The following TLR4 variants were observed in gnomAD, a reference collection of about 807,000 sequenced individuals.
TLR4 encodes the protein toll-like receptor 4.
Under a neutral mutation model 27.4 loss-of-function variants are expected in TLR4, and 17 were observed. The observed-to-expected ratio is 0.62, with a 90% confidence interval of 0.42 to 0.93. The LOEUF (loss-of-function observed/expected upper bound fraction) is 0.93. Ranked by LOEUF, TLR4 falls within the 40% of genes least tolerant of loss-of-function variation. The pLI, the probability that TLR4 is intolerant of heterozygous loss-of-function variation, is 0.00. For synonymous variants in TLR4, 363 were observed against 365.7 expected, an observed-to-expected ratio of 0.99 and a Z score of 0.08; for missense variants, 926 against 962.3, an observed-to-expected ratio of 0.96 and a Z score of 0.50.
chr9:117,714,429 C>G lies in TLR4; in HGVS notation c.2301C>G (p.Ile767Met). The G allele has an allele frequency of 6.2e-7, 1 of 1,613,864 alleles. No individual in the cohort carries two copies. The highest frequency in any genetic ancestry group is 8.5e-7 in the Non-Finnish European group (1 of 1,179,906). The change falls in exon 3 of 3, where the codon ATC (isoleucine) becomes ATG (methionine). Residue 767 changes from isoleucine to methionine, a missense_variant. Ile to Met is a conservative substitution (Grantham distance 10, BLOSUM62 1). Transcript: ENST00000355622. ...WQFLSSRAGI[I>M]FIVLQKVEKT... ...TTCTGAGCAGTCGTGCTGGTATCAT[C>G]TTCATTGTCCTGCAGAAGGTGGAGA... is the stretch of plus-strand genomic sequence containing the variant.
intron 1 of TLR4, 100 bp downstream of exon 1, chr9:117,704,665 AGT>A: frequency 4.1e-6 from 4 of 975,746 alleles, no homozygotes; most frequent in Non-Finnish European, 6.3e-6. Context: ...AAAAAAAAAG[AGT>A]TAAATTACCT....
intron 2 of TLR4, among the ~76,000 whole-genome samples, chr9:117,710,816 C>T (rs939532646): frequency 2.0e-5 from 3 of 152,004 alleles, no homozygotes; most frequent in Admixed American, 2.0e-4. Context: ...TATACATTAT[C>T]ATTGCTTGTT....
chr9:117,713,089 G>T lies in TLR4; in HGVS notation c.961G>T (p.Glu321Ter), dbSNP rs1394760921. ...ATTTTCCCTGGTGAGTGTGACTATT[G>T]AAAGGGTAAAAGACTTTTCTTATAA... ...SSFSLVSVTI[E>*]RVKDFSYNFG... Residue 321 changes from glutamate (E) to a stop codon, truncating the protein, a stop_gained, in exon 3 of 3, where the codon GAA becomes TAA. Transcript: ENST00000355622. LOFTEE classifies it low-confidence loss of function (END_TRUNC). 1 of 1,613,442 alleles carries T rather than the reference G, an allele frequency of 6.2e-7. No individual in the cohort carries two copies. Among genetic ancestry groups the T allele is most frequent in the Non-Finnish European group, 8.5e-7 (1 of 1,179,714 alleles).
In TLR4 at chr9:117,714,704, G is replaced by C. The variant is rs1399692075; in HGVS notation, c.*56G>C. 9 of 1,469,332 alleles carry C rather than the reference G, an allele frequency of 6.1e-6. No homozygotes were observed. The highest frequency in any genetic ancestry group is 8.5e-6 in the Non-Finnish European group (9 of 1,055,704). 91.0% of individuals were successfully genotyped at this position (1,469,332 alleles called of 1,614,324 possible). ...TCTTGCCCAGCTGGGTCCAACACTT[G>C]TTCAGTTAATAAGTATTAAATGCTG... On this transcript the variant is annotated 3_prime_UTR_variant, in exon 3 of 3. Coordinates refer to ENST00000355622, the MANE Select transcript of TLR4 (RefSeq NM_138554.5).
At position 117,722,291 on chromosome 9, in the gene TLR4, A is replaced by G. The variant is rs1277094275; in HGVS notation, c.*7643A>G. ...GCGAAAACTTGCTGGGCCACTGCCA[A>G]TCTTCCCAGAAACTCCTTTTTCCTT... On this transcript the variant is annotated 3_prime_UTR_variant, in exon 3 of 3. Transcript: ENST00000355622. The G allele has an allele frequency of 2.0e-5, 3 of 152,172 alleles. No homozygotes were observed. The highest frequency in any genetic ancestry group is 4.4e-5 in the Non-Finnish European group (3 of 68,026). 9.4% of individuals were successfully genotyped at this position (152,172 alleles called of 1,614,324 possible).
Position 117,704,561 on chromosome 9 carries a change from T to C in TLR4, c.89T>C (p.Val30Ala), listed in dbSNP as rs1829103734. ...AGACCAGAAAGCTGGGAGCCCTGCGTGGAGGTATGTGGCTGGAGTCAGCTC... is the reference window on the plus strand; with the variant it reads ...AGACCAGAAAGCTGGGAGCCCTGCGCGGAGGTATGTGGCTGGAGTCAGCTC... ...CVRPESWEPC[V>A]EVVPNITYQC... Residue 30 changes from valine (V) to alanine (A), a missense_variant, in exon 1 of 3, where the codon GTG (valine) becomes GCG (alanine). Transcript: ENST00000355622. 1 of 1,613,534 alleles carries C rather than the reference T, an allele frequency of 6.2e-7. No homozygotes were observed. The highest frequency in any genetic ancestry group is 8.5e-7 in the Non-Finnish European group (1 of 1,179,792).
In TLR4 at chr9:117,704,557, T is replaced by TA; in HGVS notation, c.85_86insA (p.Cys29Ter). 6.2e-7 allele frequency: 1 copy of TA among 1,613,750 alleles called. No individual in the cohort carries two copies. The highest frequency in any genetic ancestry group is 8.5e-7 in the Non-Finnish European group (1 of 1,179,830). Residue 29 changes from cysteine (C) to a stop codon, truncating the protein, a stop_gained and frameshift_variant, in exon 1 of 3, where the codon TGC becomes TAGC. Coordinates refer to ENST00000355622, the MANE Select transcript of TLR4 (RefSeq NM_138554.5). LOFTEE classifies it high-confidence loss of function. ...SCVRPESWEP[C>*]VEVVPNITYQ... ...CGTGAGACCAGAAAGCTGGGAGCCC[T>TA]GCGTGGAGGTATGTGGCTGGAGTCA...
At position 117,712,471 on chromosome 9, in the gene TLR4, C is replaced by T; in HGVS notation, c.343C>T (p.Gln115Ter). ...CTTAATATTGACAGGAAACCCCATC[C>T]AGAGTTTAGCCCTGGGAGCCTTTTC... Reference protein sequence around the residue: ...STLILTGNPIQSLALGAFSGL... With the variant: ...STLILTGNPI Residue 115 changes from glutamine to a stop codon, truncating the protein, a stop_gained, in exon 3 of 3, where the codon CAG becomes TAG. Coordinates refer to ENST00000355622, the MANE Select transcript of TLR4 (RefSeq NM_138554.5). LOFTEE classifies it low-confidence loss of function (END_TRUNC). The T allele has an allele frequency of 6.2e-7, 1 of 1,613,870 alleles. No individual in the cohort carries two copies. Among genetic ancestry groups the T allele is most frequent in the Non-Finnish European group, 8.5e-7 (1 of 1,179,914 alleles).
chr9:117,708,405 G>A, intron 1 of TLR4, 158 bp from the exon 2 acceptor site: 2 of 1,503,150 alleles, frequency 1.3e-6, no homozygotes, highest in Non-Finnish European at 1.8e-6. Context: ...TGAATGGATG[G>A]ATGGATATAT....
Position 117,708,907 on chromosome 9 carries a change from A to G in TLR4, c.260+178A>G, listed in dbSNP as rs55863104. 28 of 737,980 alleles carry G rather than the reference A, an allele frequency of 3.8e-5. No individual in the cohort carries two copies. The South Asian group carries it at 5.0e-4, about 13-fold the overall frequency. 45.7% of individuals were successfully genotyped at this position (737,980 alleles called of 1,614,324 possible). On this transcript the variant is annotated intron_variant, in intron 2 of 2. Coordinates refer to ENST00000355622, the MANE Select transcript of TLR4 (RefSeq NM_138554.5). The stretch of plus-strand genomic sequence containing the variant: ...AAGCTACCTCTATTCTCCAGGTCTC[A>G]GTTTTCTAATCTGTGAAGTAGGCAG...
At chr9:117,708,828 C>T in intron 2 of TLR4, 99 bp downstream of exon 2, 1 of 1,436,888 alleles carries the variant, frequency 7.0e-7, no homozygotes, top group Non-Finnish European at 9.7e-7. Context: ...GTCTCATCTT[C>T]ATTCACTTAT....
rs561872373 is a variant in TLR4, at chr9:117,718,796, C to T, written c.*4148C>T. The T allele has an allele frequency of 8.5e-5, 13 of 152,320 alleles. No individual in the cohort carries two copies. The highest frequency in any genetic ancestry group is 2.9e-4 in the African/African-American group (12 of 41,582). 9.4% of individuals were successfully genotyped at this position (152,320 alleles called of 1,614,324 possible). ...TTTATTAAGAGGGCACTAGGAGAAG[C>T]ACTGGGAGGTCTTCTCAGTAACAAC... On this transcript the variant is annotated 3_prime_UTR_variant, in exon 3 of 3. Coordinates refer to ENST00000355622, the MANE Select transcript of TLR4 (RefSeq NM_138554.5).
In TLR4 at chr9:117,722,002, T is replaced by C. The variant is rs1042126529; in HGVS notation, c.*7354T>C. On this transcript the variant is annotated 3_prime_UTR_variant, in exon 3 of 3. Coordinates refer to ENST00000355622, the MANE Select transcript of TLR4 (RefSeq NM_138554.5). ...TGTGTCCATGCAATCATTTTAGTTC[T>C]CCTAGTTTCTACCTATCACGTTGTC... 1 of 152,218 alleles carries C rather than the reference T, an allele frequency of 6.6e-6. No homozygotes were observed. The highest frequency in any genetic ancestry group is 2.4e-5 in the African/African-American group (1 of 41,456). The allele number at this position is 152,218 out of a possible 1,614,324, so 9.4% of individuals were successfully genotyped here. A position where few individuals can be genotyped will look rare whatever the true frequency, so the allele number is the denominator to read the frequency against.
In TLR4 at chr9:117,719,345, CCTG is replaced by C. The variant is rs1167326566; in HGVS notation, c.*4700_*4702del. ...TCATTCTGTCATGTGTCCACTGTCA[CCTG>C]CTCATTGGTGGCAGCACTGAGATTA... is the stretch of plus-strand genomic sequence containing the variant. On this transcript the variant is annotated 3_prime_UTR_variant, in exon 3 of 3. Transcript: ENST00000355622. The C allele has an allele frequency of 1.3e-5, 2 of 152,130 alleles. No homozygotes were observed. Among genetic ancestry groups the C allele is most frequent in the African/African-American group, 2.4e-5 (1 of 41,408 alleles). The allele number at this position is 152,130 out of a possible 1,614,324, so 9.4% of individuals were successfully genotyped here.
At chr9:117,707,870 A>G (rs1927910) in intron 1 of TLR4, 145,984 of 152,398 alleles carry the variant, frequency 0.96, 70,238 homozygotes, top group East Asian at 1. Flanking sequence ...GGAGTATTTA[A>G]AATGATACTG....
chr9:117,714,085 A>C lies in TLR4; in HGVS notation c.1957A>C (p.Lys653Gln). ...ATCTGTTGTAGCAGTTCTGGTCTAT[A>C]AGTTCTATTTTCACCTGATGCTTCT... ...VVSVVAVLVY[K>Q]FYFHLMLLAG... The change falls in exon 3 of 3, where the codon AAG becomes CAG. Residue 653 changes from lysine (K) to glutamine (Q), a missense_variant. By Grantham distance (53) the Lys-to-Gln change is moderately conservative. Coordinates refer to ENST00000355622, the MANE Select transcript of TLR4 (RefSeq NM_138554.5). 1 of 1,614,012 alleles carries C rather than the reference A, an allele frequency of 6.2e-7. No individual in the cohort carries two copies. The highest frequency in any genetic ancestry group is 1.7e-5 in the Admixed American group (1 of 59,992).
chr9:117,716,860 T>G lies in TLR4; in HGVS notation c.*2212T>G, dbSNP rs1829356964. The stretch of plus-strand genomic sequence containing the variant: ...TTGTATACATTAAATATATGCAGTT[T>G]TATAATATCAATTATGTCTGAATGA... On this transcript the variant is annotated 3_prime_UTR_variant, in exon 3 of 3. Coordinates refer to ENST00000355622, the MANE Select transcript of TLR4 (RefSeq NM_138554.5). The G allele has an allele frequency of 6.6e-6, 1 of 152,202 alleles. No individual in the cohort carries two copies. Among genetic ancestry groups the G allele is most frequent in the Non-Finnish European group, 1.5e-5 (1 of 68,034 alleles). 9.4% of individuals were successfully genotyped at this position (152,202 alleles called of 1,614,324 possible). A position where few individuals can be genotyped will look rare whatever the true frequency, so the allele number is the denominator to read the frequency against.
chr9:117,719,103 A>C lies in TLR4; in HGVS notation c.*4455A>C. 1 of 152,178 alleles carries C rather than the reference A, an allele frequency of 6.6e-6. No homozygotes were observed. Among genetic ancestry groups the C allele is most frequent in the East Asian group, 1.9e-4 (1 of 5,184 alleles). 9.4% of individuals were successfully genotyped at this position (152,178 alleles called of 1,614,324 possible). A position where few individuals can be genotyped will look rare whatever the true frequency, so the allele number is the denominator to read the frequency against. ...GTGGGCAAGTCATTCAAGTGCTTTG[A>C]GGCTCAGGTCTTAATTCATGAAATG... is the stretch of plus-strand genomic sequence containing the variant. On this transcript the variant is annotated 3_prime_UTR_variant, in exon 3 of 3. Transcript: ENST00000355622.
chr9:117,707,137 G>T (rs1023143435), intron 1 of TLR4, among the ~76,000 whole-genome samples: 7 of 152,140 alleles, frequency 4.6e-5, no homozygotes, highest in Non-Finnish European at 8.8e-5. Flanking sequence ...ATGTTAGATG[G>T]TTGTGCTTCC....
Sources: allele counts gnomAD v4.1 joint callset (sites outside exome capture counted in the v4.1 genomes callset), GRCh38; gene constraint gnomAD v4.1.1; transcripts MANE v1.5; gene names NCBI Gene and HGNC (gene_info 2026-07-23, HGNC 2026-07-21).